Variants in CDH18 observed in about 807,000 individuals in gnomAD.
The protein encoded by CDH18 is cadherin 18, also known as cadherin-18.
In CDH18, 31 loss-of-function variants were observed where a neutral mutation model predicts 67.9. The observed-to-expected ratio is 0.46, with a 90% CI of 0.34 to 0.62. The LOEUF (loss-of-function observed/expected upper bound fraction) is 0.62. Among genes scored for constraint, CDH18 ranks in the 20% least tolerant of loss-of-function variants. CDH18 has a pLI of 0.01. For synonymous variants in CDH18, 362 were observed against 347.2 expected, an observed-to-expected ratio of 1.04 and a Z score of -0.48; for missense variants, 890 against 975.5, an observed-to-expected ratio of 0.91 and a Z score of 1.17.
At chr5:20,203,474 C>T (rs1028286298) in intron 2 of CDH18, among the ~76,000 whole-genome samples, 1 of 151,996 alleles carries the variant, frequency 6.6e-6, no homozygotes, top group Non-Finnish European at 1.5e-5. Flanking sequence ...TGGGACTTCC[C>T]ATGAAATGGG....
chr5:19,845,556 G>A (rs1168708934), intron 2 of CDH18, among the ~76,000 whole-genome samples: 2 of 151,868 alleles, frequency 1.3e-5, no homozygotes, highest in Non-Finnish European at 2.9e-5. Flanking sequence ...CAAGTTCTCT[G>A]TTTCTTTATT....
In CDH18 at chr5:19,809,892, T is replaced by C. The variant is rs922020405; in HGVS notation, c.228+28867A>G. Among the ~76,000 whole-genome samples the C allele has an allele frequency of 3.3e-5, 5 of 152,220 alleles. 1 individual carries two copies. The highest frequency in any genetic ancestry group is 3.3e-4 in the Admixed American group (5 of 15,286). ...AGTGAATATAAAAATGTTAAAGATGTACCAGGATCAAATCTCCACTTCCAA... is the reference window on the plus strand; with the variant it reads ...AGTGAATATAAAAATGTTAAAGATGCACCAGGATCAAATCTCCACTTCCAA... On this transcript the variant is annotated intron_variant, in intron 3 of 12. Transcript: ENST00000382275.
chr5:19,920,329 C>G (rs1325958494), intron 2 of CDH18, among the ~76,000 whole-genome samples: 8 of 152,002 alleles, frequency 5.3e-5, no homozygotes, highest in African/African-American at 1.7e-4. Context: ...TTGGAAATAA[C>G]ATAGCAACAA....
chr5:20,398,046 T>C (rs971023643), intron 1 of CDH18, among the ~76,000 whole-genome samples: 4 of 152,170 alleles, frequency 2.6e-5, no homozygotes, highest in Non-Finnish European at 5.9e-5. Context: ...AATTGACTCA[T>C]GTGCTTATAG....
At chr5:20,515,566 A>G (rs915098561) in intron 1 of CDH18, among the ~76,000 whole-genome samples, 2 of 152,006 alleles carry the variant, frequency 1.3e-5, no homozygotes, top group African/African-American at 4.8e-5. Context: ...ATTGAATAGG[A>G]CCCAACAATT....
intron 1 of CDH18, among the ~76,000 whole-genome samples, chr5:20,394,402 G>C (rs1027796046): frequency 1.3e-5 from 2 of 151,988 alleles, no homozygotes. Flanking sequence ...TGTGTATGGA[G>C]TTCTATCTCT....
At chr5:19,744,977 C>T (rs2150722533) in intron 4 of CDH18, among the ~76,000 whole-genome samples, 1 of 152,280 alleles carries the variant, frequency 6.6e-6, no homozygotes, top group Middle Eastern at 3.4e-3. Context: ...GTATATTATT[C>T]ACTTCAAGAA....
At chr5:20,333,526 T>TACACACACACAC (rs1452450309) in intron 1 of CDH18, among the ~76,000 whole-genome samples, 2,567 of 111,594 alleles carry the variant, frequency 0.023, 80 homozygotes, top group African/African-American at 0.065. Flanking sequence ...AAACAATATA[T>TACACACACACAC]ATACACACAC....
chr5:20,266,571 ATTTTTTTTTTTTTTTT>A (rs34718835), intron 1 of CDH18, among the ~76,000 whole-genome samples: 3 of 59,186 alleles, frequency 5.1e-5, no homozygotes, highest in East Asian at 1.1e-3. Flanking sequence ...GCCCGGCTGA[ATTTTTTTTTTTTTTTT>A]TTTTTTTTTT....
chr5:20,514,862 A>G (rs1289326677), intron 1 of CDH18, among the ~76,000 whole-genome samples: 4 of 152,106 alleles, frequency 2.6e-5, no homozygotes, highest in Admixed American at 6.6e-5. Flanking sequence ...CCTGTATGCC[A>G]TGAAGTTTTT....
intron 5 of CDH18, among the ~76,000 whole-genome samples, chr5:19,676,424 T>C (rs1425778066): frequency 1.3e-5 from 2 of 151,900 alleles, no homozygotes; most frequent in African/African-American, 4.8e-5. Flanking sequence ...AGAGGACTCT[T>C]CCCCAAATCT....
At chr5:20,175,846 G>A (rs1443274139) in intron 2 of CDH18, among the ~76,000 whole-genome samples, 1 of 151,924 alleles carries the variant, frequency 6.6e-6, no homozygotes, top group Non-Finnish European at 1.5e-5. Context: ...GCCTTTCCCA[G>A]CCCACTGACT....
chr5:20,067,086 A>T (rs1743041875), intron 2 of CDH18, among the ~76,000 whole-genome samples: 1 of 151,952 alleles, frequency 6.6e-6, no homozygotes, highest in Admixed American at 6.6e-5. Flanking sequence ...TTTACATTGT[A>T]TTAGGTATCA....
Position 19,667,487 on chromosome 5 carries a change from A to T in CDH18, c.643+53860T>A, listed in dbSNP as rs970436046. On this transcript the variant is annotated intron_variant, in intron 5 of 12. Transcript: ENST00000382275. ...AGACTTATAATCACAATGAATATAT[A>T]TGTTATATATATATATATATACACA... is the stretch of plus-strand genomic sequence containing the variant. Among the ~76,000 whole-genome samples, 10 of 122,762 alleles carry T rather than the reference A, an allele frequency of 8.1e-5. No individual in the cohort carries two copies. The South Asian group carries it at 2.9e-3, about 35-fold the overall frequency. 80.5% of individuals were successfully genotyped at this position (122,762 alleles called of 152,430 possible).
intron 5 of CDH18, among the ~76,000 whole-genome samples, chr5:19,711,088 T>C (rs1764641941): frequency 1.3e-5 from 2 of 152,034 alleles, no homozygotes; most frequent in Admixed American, 1.3e-4. Context: ...TCTCATTATA[T>C]ATAAAAATTA....
chr5:19,548,283 C>T (rs1198394651), intron 8 of CDH18, among the ~76,000 whole-genome samples: 1 of 139,830 alleles, frequency 7.2e-6, no homozygotes, highest in African/African-American at 2.6e-5. Flanking sequence ...TCATAAAACC[C>T]GTGGAATTGG....
intron 2 of CDH18, among the ~76,000 whole-genome samples, chr5:20,114,455 A>G (rs1561801784): frequency 2.0e-5 from 3 of 152,284 alleles, no homozygotes; most frequent in Middle Eastern, 6.8e-3. Context: ...CTAGTCAAAC[A>G]GAGAAAGGCC....
chr5:20,050,302 C>A, intron 2 of CDH18, among the ~76,000 whole-genome samples: 1 of 151,602 alleles, frequency 6.6e-6, no homozygotes, highest in East Asian at 1.9e-4. Flanking sequence ...ATGCTGTAGC[C>A]AAATAGATGT....
intron 1 of CDH18, among the ~76,000 whole-genome samples, chr5:20,555,225 G>A (rs1454588128): frequency 6.6e-6 from 1 of 151,976 alleles, no homozygotes; most frequent in Admixed American, 6.6e-5. Flanking sequence ...TGAGAAGACA[G>A]CCATCTACCG....
Sources: allele counts gnomAD v4.1 joint callset (sites outside exome capture counted in the v4.1 genomes callset), GRCh38; gene constraint gnomAD v4.1.1; transcripts MANE v1.5; gene names NCBI Gene and HGNC (gene_info 2026-07-23, HGNC 2026-07-21).